Variants in FAM222A observed in about 807,000 individuals in gnomAD.
FAM222A encodes protein FAM222A.
FAM222A carries 7 observed loss-of-function variants against 25.8 expected under a neutral mutation model. That is an observed-to-expected ratio of 0.27 (90% confidence interval 0.15 to 0.51). The LOEUF is 0.51. Among genes scored for constraint, FAM222A ranks in the 20% least tolerant of loss-of-function variants. FAM222A has a pLI of 0.97. For missense variants in FAM222A, 573 were observed against 640.5 expected (o/e 0.89, Z 1.14); for synonymous variants, 294 against 298.8 (o/e 0.98, Z 0.17).
At chr12:109,764,494 A>G (rs996909478) in intron 2 of FAM222A, among the ~76,000 whole-genome samples, 1 of 152,244 alleles carries the variant, frequency 6.6e-6, no homozygotes, top group Admixed American at 6.5e-5. Flanking sequence ...TCATTTTCAC[A>G]GTTGGTGGCT....
intron 1 of FAM222A, among the ~76,000 whole-genome samples, chr12:109,731,950 G>GC (rs1887956805): frequency 6.6e-6 from 1 of 152,226 alleles, no homozygotes. Flanking sequence ...AAAGAGACCA[G>GC]CGAAGGGTTT....
chr12:109,742,390 C>T (rs1888267952), intron 1 of FAM222A, among the ~76,000 whole-genome samples: 1 of 152,258 alleles, frequency 6.6e-6, no homozygotes, highest in Non-Finnish European at 1.5e-5. Context: ...TTCCTGCAGT[C>T]AAGGACTTTC....
rs1310679140 is a variant in FAM222A at position 109,767,945 on chromosome 12, G to T, written c.83-67G>T. 15 of 1,496,628 alleles carry T rather than the reference G, an allele frequency of 1.0e-5. No homozygotes were observed. The East Asian group carries it at 3.4e-4, about 34-fold the overall frequency. The allele number at this position is 1,496,628 out of a possible 1,614,324, so 92.7% of individuals were successfully genotyped here. ...GAAATGAGTGGAGGGGGCGGGACTC[G>T]TGAGCCCTGTGGGGAGAGGTTGGCA... On this transcript the variant is annotated intron_variant, in intron 2 of 2. Transcript: ENST00000538780.
In FAM222A at chr12:109,769,314, T is replaced by G. The variant is rs1292759724; in HGVS notation, c.*26T>G. ...GGCCTGCCCTGCGGACATACGGACA[T>G]GCGGACAGGGCGCAGAGCCGGGAGG... On this transcript the variant is annotated 3_prime_UTR_variant, in exon 3 of 3. Coordinates refer to ENST00000538780, the MANE Select transcript of FAM222A (RefSeq NM_032829.3). 12 of 1,578,256 alleles carry G rather than the reference T, an allele frequency of 7.6e-6. No individual in the cohort carries two copies. The highest frequency in any genetic ancestry group is 1.0e-5 in the Non-Finnish European group (12 of 1,162,270).
intron 1 of FAM222A, among the ~76,000 whole-genome samples, chr12:109,736,916 C>T (rs1331641551): frequency 6.6e-6 from 1 of 152,122 alleles, no homozygotes; most frequent in Non-Finnish European, 1.5e-5. Flanking sequence ...CCCACCCTGC[C>T]CCAACTCCCT....
intron 2 of FAM222A, among the ~76,000 whole-genome samples, chr12:109,753,589 T>A (rs1313255210): frequency 6.6e-6 from 1 of 151,804 alleles, no homozygotes; most frequent in African/African-American, 2.4e-5. Flanking sequence ...ACAATATCCA[T>A]ACCCACAAGG....
chr12:109,742,209 C>T (rs1888261581), intron 1 of FAM222A: 1 of 152,324 alleles, frequency 6.6e-6, no homozygotes, highest in Non-Finnish European at 1.5e-5. Context: ...CACATATGTA[C>T]ATAGGTGAGT....
intron 2 of FAM222A, among the ~76,000 whole-genome samples, chr12:109,766,365 T>C (rs1889050254): frequency 6.6e-6 from 1 of 152,208 alleles, no homozygotes; most frequent in Non-Finnish European, 1.5e-5. Context: ...CAGGGCCAGT[T>C]GTGTCCACTT....
chr12:109,752,790 C>T (rs1447023441), intron 2 of FAM222A, among the ~76,000 whole-genome samples: 2 of 152,174 alleles, frequency 1.3e-5, no homozygotes, highest in South Asian at 2.1e-4. Flanking sequence ...ATCAGAGTAG[C>T]TTGTGATGAG....
chr12:109,726,861 G>C (rs1021993449), intron 1 of FAM222A, among the ~76,000 whole-genome samples: 1 of 152,168 alleles, frequency 6.6e-6, no homozygotes, highest in Non-Finnish European at 1.5e-5. Flanking sequence ...CTTGCACCTG[G>C]CTCTGAGGTG....
At chr12:109,760,906 G>A (rs951305699) in intron 2 of FAM222A, among the ~76,000 whole-genome samples, 4 of 152,260 alleles carry the variant, frequency 2.6e-5, no homozygotes, top group South Asian at 2.1e-4. Flanking sequence ...TCAGACTCAC[G>A]CAAGCAGGAG....
At chr12:109,760,360 G>T (rs1172120894) in intron 2 of FAM222A, among the ~76,000 whole-genome samples, 2 of 152,176 alleles carry the variant, frequency 1.3e-5, no homozygotes, top group Non-Finnish European at 2.9e-5. Context: ...GGTTATGGAG[G>T]AAAGAGGGCA....
chr12:109,754,181 C>T (rs1025816473), intron 2 of FAM222A, among the ~76,000 whole-genome samples: 1 of 152,200 alleles, frequency 6.6e-6, no homozygotes, highest in Non-Finnish European at 1.5e-5. Context: ...CACTGCTTGT[C>T]CACACACTGC....
chr12:109,744,032 G>C (rs867704504), intron 1 of FAM222A, 69 bp from the exon 2 acceptor site: 4 of 1,458,952 alleles, frequency 2.7e-6, no homozygotes, highest in East Asian at 2.5e-5. Context: ...GGAGACTCCC[G>C]GGGGGAATGG....
chr12:109,743,881 C>G, intron 1 of FAM222A: 1 of 985,456 alleles, frequency 1.0e-6, no homozygotes, highest in Non-Finnish European at 1.2e-6. Flanking sequence ...GTCCAGCCCC[C>G]ACTCAAGAGC....
chr12:109,756,083 A>G (rs1323184883), intron 2 of FAM222A, among the ~76,000 whole-genome samples: 1 of 152,254 alleles, frequency 6.6e-6, no homozygotes, highest in African/African-American at 2.4e-5. Context: ...CTTCCAATCC[A>G]TGAATACAGG....
At chr12:109,767,333 G>C (rs1044071358) in intron 2 of FAM222A, among the ~76,000 whole-genome samples, 1 of 152,008 alleles carries the variant, frequency 6.6e-6, no homozygotes, top group Non-Finnish European at 1.5e-5. Flanking sequence ...TTTAAGACTG[G>C]CCTGGCCAAC....
intron 1 of FAM222A, among the ~76,000 whole-genome samples, chr12:109,727,057 C>T (rs1887857333): frequency 6.6e-6 from 1 of 152,122 alleles, no homozygotes; most frequent in Non-Finnish European, 1.5e-5. Flanking sequence ...TCCTCGTTCC[C>T]AAGTCTCTTG....
At chr12:109,740,819 T>G (rs1332261062) in intron 1 of FAM222A, among the ~76,000 whole-genome samples, 1 of 152,044 alleles carries the variant, frequency 6.6e-6, no homozygotes, top group Non-Finnish European at 1.5e-5. Context: ...GAGAGAGATG[T>G]GAAAATTGGC....
Sources: allele counts gnomAD v4.1 joint callset (sites outside exome capture counted in the v4.1 genomes callset), GRCh38; gene constraint gnomAD v4.1.1; transcripts MANE v1.5; gene names NCBI Gene and HGNC (gene_info 2026-07-23, HGNC 2026-07-21).